The following PCDHGA7 variants were observed in gnomAD, a reference collection of about 807,000 sequenced individuals.
PCDHGA7 encodes protocadherin gamma subfamily A, 7.
In PCDHGA7, 44 loss-of-function variants were observed where a neutral mutation model predicts 58.3. That is an observed-to-expected ratio of 0.75 (90% CI 0.59 to 0.97). The LOEUF (loss-of-function observed/expected upper bound fraction) is 0.97, where lower values mean the gene tolerates loss of function less well. Ranked by LOEUF, PCDHGA7 falls within the 50% of genes least tolerant of loss-of-function variation. PCDHGA7 has a pLI of 0.00. For missense variants in PCDHGA7, 1,266 were observed against 1,188.7 expected (o/e 1.06, Z -0.96); for synonymous variants, 516 against 504.2 (o/e 1.02, Z -0.31).
intron 1 of PCDHGA7, chr5:141,478,141 C>T (rs770862398): frequency 6.2e-7 from 1 of 1,614,044 alleles, no homozygotes; most frequent in Non-Finnish European, 8.5e-7. Context: ...AAGCCCGAGC[C>T]GAGTTCCCCT....
At chr5:141,444,599 A>G (rs373366708) in intron 1 of PCDHGA7, among the ~76,000 whole-genome samples, 2 of 152,108 alleles carry the variant, frequency 1.3e-5, no homozygotes, top group African/African-American at 2.4e-5. Flanking sequence ...CCTTATTTAA[A>G]ATTGATTTTT....
chr5:141,474,500 C>G (rs183956979), intron 1 of PCDHGA7, among the ~76,000 whole-genome samples: 31 of 152,324 alleles, frequency 2.0e-4, no homozygotes, highest in African/African-American at 6.3e-4. Context: ...CTTCTAATGC[C>G]TATCAGCCCT....
At chr5:141,413,202 G>T (rs768256888) in intron 1 of PCDHGA7, 19 of 1,612,062 alleles carry the variant, frequency 1.2e-5, no homozygotes, top group Non-Finnish European at 1.6e-5. Flanking sequence ...ATCGCTCAAA[G>T]GAATCAAAGG....
rs747671382 is a variant in PCDHGA7, at chr5:141,444,152, A to ATTTT, written c.2425-50622_2425-50619dup. Among the ~76,000 whole-genome samples the ATTTT allele has an allele frequency of 5.0e-4, 17 of 33,898 alleles. 5 individuals carry two copies. Among genetic ancestry groups the ATTTT allele is most frequent in the African/African-American group, 7.0e-4 (5 of 7,184 alleles). 22.2% of individuals were successfully genotyped at this position (33,898 alleles called of 152,430 possible). ...GATATGTGTCACTTGTGTGTACTGG[A>ATTTT]TTTTTTTTTTTTTTTTTTTTTTTTT... On this transcript the variant is annotated intron_variant, in intron 1 of 3. Transcript: ENST00000518325.
At chr5:141,456,949 C>A (rs1277351419) in intron 1 of PCDHGA7, among the ~76,000 whole-genome samples, 2 of 152,080 alleles carry the variant, frequency 1.3e-5, no homozygotes, top group East Asian at 3.9e-4. Flanking sequence ...GGCAACAGAG[C>A]AAAACTCCAT....
rs34752215 is a variant in PCDHGA7 at position 141,427,657 on chromosome 5, A to C, written c.2424+42334A>C. The C allele has an allele frequency of 1.4e-3, 1,030 of 734,210 alleles. 5 individuals carry two copies. Among genetic ancestry groups the C allele is most frequent in the Middle Eastern group, 5.7e-3 (25 of 4,398 alleles). The allele number at this position is 734,210 out of a possible 1,614,324, so 45.5% of individuals were successfully genotyped here. On this transcript the variant is annotated intron_variant, in intron 1 of 3. Coordinates refer to ENST00000518325, the MANE Select transcript of PCDHGA7 (RefSeq NM_018920.4). The stretch of plus-strand genomic sequence containing the variant: ...TTCCACCAAGTCTCCTACGTGGTCC[A>C]CGTGGCCGAAAACAACCTTCCCGGA...
chr5:141,452,654 T>C (rs2098746449), intron 1 of PCDHGA7, among the ~76,000 whole-genome samples: 1 of 151,162 alleles, frequency 6.6e-6, no homozygotes, highest in Non-Finnish European at 1.5e-5. Context: ...ATTTGCTCCA[T>C]CCACTGCACT....
chr5:141,414,958 G>T, intron 1 of PCDHGA7: 2 of 1,614,024 alleles, frequency 1.2e-6, no homozygotes, highest in East Asian at 2.2e-5. Context: ...GGTGACCAAG[G>T]TGGTGGCGGT....
chr5:141,405,677 C>T (rs1204978047), intron 1 of PCDHGA7, among the ~76,000 whole-genome samples: 3 of 152,088 alleles, frequency 2.0e-5, no homozygotes, highest in African/African-American at 7.2e-5. Context: ...GGGGTGTCAC[C>T]ATGTTGGCCA....
In PCDHGA7 at chr5:141,384,441, G is replaced by A; in HGVS notation, c.1542G>A (p.Leu514=). Residue 514 remains leucine (L), a synonymous_variant, in exon 1 of 4, where the codon CTG becomes CTA. Coordinates refer to ENST00000518325, the MANE Select transcript of PCDHGA7 (RefSeq NM_018920.4). ...CCATAAACTCTGACACTGGAGTCCT[G>A]TACGCGCTGCAATCCTTTGATTATG... ...YVSINSDTGV[L]YALQSFDYEQ... 6.2e-7 allele frequency: 1 copy of A among 1,614,028 alleles called. No individual in the cohort carries two copies. The highest frequency in any genetic ancestry group is 1.3e-5 in the African/African-American group (1 of 75,064).
At chr5:141,421,913 T>C in intron 1 of PCDHGA7, 1 of 1,613,710 alleles carries the variant, frequency 6.2e-7, no homozygotes, top group Non-Finnish European at 8.5e-7. Context: ...GCAGTTCCCA[T>C]TCGTGTGGTG....
intron 1 of PCDHGA7, chr5:141,423,106 G>A (rs562864937): frequency 1.2e-6 from 2 of 1,613,894 alleles, no homozygotes; most frequent in Admixed American, 1.7e-5. Context: ...CACGGGCGAG[G>A]TGCGTACAGC....
In PCDHGA7 at chr5:141,477,380, G is replaced by C; in HGVS notation, c.2425-17427G>C. The C allele has an allele frequency of 6.2e-7, 1 of 1,614,116 alleles. No homozygotes were observed. The highest frequency in any genetic ancestry group is 8.5e-7 in the Non-Finnish European group (1 of 1,180,028). On this transcript the variant is annotated intron_variant, in intron 1 of 3. Transcript: ENST00000518325. The surrounding 1 kb of genome is among the most constrained non-coding windows in gnomAD (Gnocchi z 4.9). ...AGACCTGGATCGGGAGACTGTGCCA[G>C]AATACAACCTCAGCATCACCGCCCG...
At chr5:141,418,045 G>A (rs754041387) in intron 1 of PCDHGA7, 2 of 1,614,002 alleles carry the variant, frequency 1.2e-6, no homozygotes, top group East Asian at 2.2e-5. Flanking sequence ...TGGATGTGTC[G>A]GCTCGCGAGC....
At chr5:141,394,913 C>G (rs1284631853) in intron 1 of PCDHGA7, 2 of 1,613,780 alleles carry the variant, frequency 1.2e-6, no homozygotes, top group South Asian at 2.2e-5. Flanking sequence ...TGGCTGCCAT[C>G]TCCTGTGTCT....
At position 141,422,923 on chromosome 5, in the gene PCDHGA7, C is replaced by T. The variant is rs188787674; in HGVS notation, c.2424+37600C>T. The T allele has an allele frequency of 1.6e-5, 26 of 1,614,252 alleles. No homozygotes were observed. In the East Asian group the frequency reaches 2.5e-4, roughly 15 times the overall value. On this transcript the variant is annotated intron_variant, in intron 1 of 3. Coordinates refer to ENST00000518325, the MANE Select transcript of PCDHGA7 (RefSeq NM_018920.4). ...CGACAATGCGCCCGAGATCCTGTAC[C>T]CTGCCCTCCCCACAGACGGCTCCAC...
At position 141,511,260 on chromosome 5, in the gene PCDHGA7, G is replaced by A; in HGVS notation, c.*87G>A. 6.4e-7 allele frequency: 1 copy of A among 1,558,596 alleles called. No individual in the cohort carries two copies. Among genetic ancestry groups the A allele is most frequent in the Non-Finnish European group, 8.7e-7 (1 of 1,151,758 alleles). On this transcript the variant is annotated 3_prime_UTR_variant, in exon 4 of 4. Transcript: ENST00000518325. ...CCTGCACCCAGGCCTCAGAGTTTCA[G>A]GGCTAACCCCCAGAATACTGGTAGG...
chr5:141,482,144 G>A (rs564178008), intron 1 of PCDHGA7, among the ~76,000 whole-genome samples: 2 of 151,756 alleles, frequency 1.3e-5, no homozygotes, highest in African/African-American at 2.4e-5. Flanking sequence ...GGCATAAAAA[G>A]GTCAAGTCAA....
chr5:141,389,131 A>G, intron 1 of PCDHGA7: 2 of 1,614,024 alleles, frequency 1.2e-6, no homozygotes, highest in African/African-American at 2.7e-5. Flanking sequence ...AATCCAGAGT[A>G]CAATATAACC....
Sources: gnomAD v4.1 joint callset for allele counts (sites outside exome capture counted in the v4.1 genomes callset) on GRCh38, gnomAD v4.1.1 for gene constraint, Gnocchi (gnomAD v3.1) non-coding constraint, MANE v1.5 for transcripts, NCBI Gene and HGNC (gene_info 2026-07-23, HGNC 2026-07-21) for gene names.